Variants in PLEK2 observed in about 807,000 individuals in gnomAD.
PLEK2 encodes pleckstrin 2, also known as pleckstrin-2.
Under a neutral mutation model 43.8 loss-of-function variants are expected in PLEK2, and 29 were observed. The ratio of observed to expected loss-of-function variants is 0.66; its 90% CI spans 0.49 to 0.90. The LOEUF is 0.90. Ranked by LOEUF, PLEK2 falls within the 40% of genes least tolerant of loss-of-function variation. The pLI is 0.00. For synonymous variants in PLEK2, 162 were observed against 173.2 expected (o/e 0.94, Z 0.51); for missense variants, 398 against 448.1 (o/e 0.89, Z 1.01).
At chr14:67,394,921 C>A (rs1399710385) in intron 3 of PLEK2, among the ~76,000 whole-genome samples, 1 of 152,204 alleles carries the variant, frequency 6.6e-6, no homozygotes, top group Non-Finnish European at 1.5e-5. Flanking sequence ...TGATGCCCTG[C>A]ACTGCCTCAG....
At chr14:67,409,160 T>C (rs555525500) in intron 1 of PLEK2, among the ~76,000 whole-genome samples, 23 of 152,244 alleles carry the variant, frequency 1.5e-4, no homozygotes, top group African/African-American at 5.3e-4. Flanking sequence ...GGAGGATTGC[T>C]TGAGCCTGGG....
chr14:67,391,209 A>G (rs907612451), intron 6 of PLEK2, among the ~76,000 whole-genome samples: 3 of 152,066 alleles, frequency 2.0e-5, no homozygotes, highest in African/African-American at 7.2e-5. Flanking sequence ...CACATTGTGC[A>G]TTAGGAAAAA....
At chr14:67,390,619 G>A (rs1319398199) in intron 7 of PLEK2, 44 bp downstream of exon 7, 1 of 1,299,436 alleles carries the variant, frequency 7.7e-7, no homozygotes, top group Admixed American at 1.7e-5. Context: ...GTGTCTGGGG[G>A]CATCACAACA....
rs760827336 is a variant in PLEK2, at chr14:67,393,139, G to A, written c.481+11C>T. 4.0e-5 allele frequency: 64 copies of A among 1,597,298 alleles called. No individual in the cohort carries two copies. The highest frequency in any genetic ancestry group is 5.3e-5 in the Non-Finnish European group (62 of 1,164,676). Reference sequence around the variant, plus strand: ...TTGACTGCCCAGCCCGGCCCTGGGGGACAGGCTCACCGAGGAAGGTCTTTT... The same window carrying A: ...TTGACTGCCCAGCCCGGCCCTGGGGAACAGGCTCACCGAGGAAGGTCTTTT... On this transcript the variant is annotated intron_variant, in intron 4 of 8. Transcript: ENST00000216446.
At chr14:67,387,506 G>C in intron 8 of PLEK2, 50 bp from the exon 9 acceptor site, 1 of 1,573,034 alleles carries the variant, frequency 6.4e-7, no homozygotes, top group African/African-American at 1.4e-5. Context: ...AGCCATGTCT[G>C]CTTTCATCTT....
At position 67,397,678 on chromosome 14, in the gene PLEK2, T is replaced by G. The variant is rs149487309; in HGVS notation, c.191A>C (p.Glu64Ala). The G allele has an allele frequency of 2.9e-5, 47 of 1,611,944 alleles. No individual in the cohort carries two copies. Among genetic ancestry groups the G allele is most frequent in the Non-Finnish European group, 3.9e-5 (46 of 1,179,118 alleles). Residue 64 changes from glutamate (E) to alanine (A), a missense_variant, in exon 2 of 9, where the codon GAG becomes GCG. Coordinates refer to ENST00000216446, the MANE Select transcript of PLEK2 (RefSeq NM_016445.3). The stretch of plus-strand genomic sequence containing the variant: ...ATCACTTACCGGTCGGTTTTCATAC[T>G]CCAGGCAGGGGCAGGTGATGGTGCA... ...DGCTITCPCL[E>A]YENRPLLIKL...
At chr14:67,394,907 T>G (rs771225269) in intron 3 of PLEK2, among the ~76,000 whole-genome samples, 1 of 152,144 alleles carries the variant, frequency 6.6e-6, no homozygotes, top group African/African-American at 2.4e-5. Flanking sequence ...GCCCCCTCAC[T>G]GTGTGATGCC....
intron 2 of PLEK2, among the ~76,000 whole-genome samples, chr14:67,396,304 C>T (rs1287190110): frequency 1.3e-5 from 2 of 151,586 alleles, no homozygotes; most frequent in East Asian, 2.0e-4. Context: ...CCCACCACCC[C>T]GCCTGGCTAA....
chr14:67,392,195 C>A (rs1461922069), intron 6 of PLEK2, 131 bp downstream of exon 6: 1 of 681,044 alleles, frequency 1.5e-6, no homozygotes, highest in Non-Finnish European at 2.7e-6. Context: ...GTGCTGGGCT[C>A]TTGCTTTCGT....
At chr14:67,395,209 C>T (rs2085998207) in intron 3 of PLEK2, among the ~76,000 whole-genome samples, 193 bp downstream of exon 3, 1 of 152,044 alleles carries the variant, frequency 6.6e-6, no homozygotes, top group Non-Finnish European at 1.5e-5. Context: ...AGGAATGGGG[C>T]AGGTAGGTAG....
At chr14:67,402,021 C>T (rs1255215450) in intron 1 of PLEK2, among the ~76,000 whole-genome samples, 3 of 152,162 alleles carry the variant, frequency 2.0e-5, no homozygotes, top group Admixed American at 1.3e-4. Flanking sequence ...ATCCCAGCTA[C>T]TCAGGAGGCT....
chr14:67,410,962 A>G (rs2086111288), intron 1 of PLEK2, among the ~76,000 whole-genome samples: 1 of 152,054 alleles, frequency 6.6e-6, no homozygotes, highest in African/African-American at 2.4e-5. Context: ...CCTGGGAAAC[A>G]TGGCGAAACC....
intron 1 of PLEK2, among the ~76,000 whole-genome samples, chr14:67,411,611 C>A (rs1253898902): frequency 6.6e-6 from 1 of 152,154 alleles, no homozygotes; most frequent in Non-Finnish European, 1.5e-5. Context: ...CCAGGGCTGG[C>A]CAACAGTAAG....
intron 1 of PLEK2, among the ~76,000 whole-genome samples, chr14:67,406,670 G>A (rs562749520): frequency 3.9e-5 from 6 of 152,204 alleles, no homozygotes; most frequent in Non-Finnish European, 7.3e-5. Flanking sequence ...CAGCAGAACA[G>A]AATAGCCAAA....
Position 67,393,227 on chromosome 14 carries a change from T to C in PLEK2, c.404A>G (p.Lys135Arg). Residue 135 changes from lysine (K) to arginine (R), a missense_variant, in exon 4 of 9, where the codon AAG becomes AGG. Coordinates refer to ENST00000216446, the MANE Select transcript of PLEK2 (RefSeq NM_016445.3). ...PHISLHRIVD[K>R]MHDSNTGIRS... ...GATTCCGGTGTTGCTATCGTGCATCTTGTCCACAATGCGACTACATGGAAG... is the reference window on the plus strand; with the variant it reads ...GATTCCGGTGTTGCTATCGTGCATCCTGTCCACAATGCGACTACATGGAAG... 6.2e-7 allele frequency: 1 copy of C among 1,613,212 alleles called. No individual in the cohort carries two copies. Among genetic ancestry groups the C allele is most frequent in the Non-Finnish European group, 8.5e-7 (1 of 1,179,150 alleles).
Position 67,411,975 on chromosome 14 carries a change from G to A in PLEK2, c.42+43C>T, listed in dbSNP as rs1431438383. The A allele has an allele frequency of 3.3e-6, 5 of 1,506,272 alleles. No individual in the cohort carries two copies. The Admixed American group carries it at 8.3e-5, about 25-fold the overall frequency. 93.3% of individuals were successfully genotyped at this position (1,506,272 alleles called of 1,614,324 possible). Reference sequence around the variant, plus strand: ...CCCGCTCTAGGGAGCCGCGTCGGCGGGGCCCCACCCGGGCAATGTCCCGAA... The same window carrying A: ...CCCGCTCTAGGGAGCCGCGTCGGCGAGGCCCCACCCGGGCAATGTCCCGAA... On this transcript the variant is annotated intron_variant, in intron 1 of 8. Transcript: ENST00000216446.
At chr14:67,389,284 G>A (rs1240157424) in intron 7 of PLEK2, among the ~76,000 whole-genome samples, 1 of 152,128 alleles carries the variant, frequency 6.6e-6, no homozygotes, top group East Asian at 1.9e-4. Flanking sequence ...AGAGAAGGAA[G>A]GGATCCGCCC....
rs1302889644 is a variant in PLEK2 at position 67,409,622 on chromosome 14, A to C, written c.42+2396T>G. ...CCCCACTCCCCTGACAGCCAGGCCCAGTGAGCTCCTTGCATTTTGCCTGGA... is the reference window on the plus strand; with the variant it reads ...CCCCACTCCCCTGACAGCCAGGCCCCGTGAGCTCCTTGCATTTTGCCTGGA... On this transcript the variant is annotated intron_variant, in intron 1 of 8. Coordinates refer to ENST00000216446, the MANE Select transcript of PLEK2 (RefSeq NM_016445.3). Among the ~76,000 whole-genome samples, 3 of 151,978 alleles carry C rather than the reference A, an allele frequency of 2.0e-5. No homozygotes were observed. In the East Asian group the frequency reaches 5.8e-4, roughly 29 times the overall value.
chr14:67,412,143 C>T lies in PLEK2; in HGVS notation c.-84G>A. 1 of 1,242,704 alleles carries T rather than the reference C, an allele frequency of 8.0e-7. No individual in the cohort carries two copies. Among genetic ancestry groups the T allele is most frequent in the Middle Eastern group, 2.1e-4 (1 of 4,826 alleles). 77.0% of individuals were successfully genotyped at this position (1,242,704 alleles called of 1,614,324 possible). Reference sequence around the variant, plus strand: ...CGGCACCCGCGCAGCCCGCGCAGTCCGCGCCCACGGCGCCCAGGAAGCAGC... The same window carrying T: ...CGGCACCCGCGCAGCCCGCGCAGTCTGCGCCCACGGCGCCCAGGAAGCAGC... On this transcript the variant is annotated 5_prime_UTR_variant, in exon 1 of 9. Coordinates refer to ENST00000216446, the MANE Select transcript of PLEK2 (RefSeq NM_016445.3).
Sources: gnomAD v4.1 joint callset for allele counts (sites outside exome capture counted in the v4.1 genomes callset) on GRCh38, gnomAD v4.1.1 for gene constraint, MANE v1.5 for transcripts, NCBI Gene and HGNC (gene_info 2026-07-23, HGNC 2026-07-21) for gene names.